The following TRAPPC11 variants were observed in gnomAD, a reference collection of about 807,000 sequenced individuals.
TRAPPC11 encodes the protein foie gras homolog.
In TRAPPC11, 104 loss-of-function variants were observed where a neutral mutation model predicts 151.2. The observed-to-expected ratio is 0.69, with a 90% CI of 0.59 to 0.81. TRAPPC11 has a LOEUF of 0.81. Ranked by LOEUF, TRAPPC11 falls within the 30% of genes least tolerant of loss-of-function variation. The pLI is 0.00. For synonymous variants in TRAPPC11, 456 were observed against 472.3 expected (o/e 0.97, Z 0.45); for missense variants, 1,230 against 1,349.6 (o/e 0.91, Z 1.39).
At chr4:183,691,275 C>A in intron 18 of TRAPPC11, 41 bp from the exon 19 acceptor site, 1 of 1,419,882 alleles carries the variant, frequency 7.0e-7, no homozygotes, top group Non-Finnish European at 9.4e-7. Flanking sequence ...TTAGGGTTAG[C>A]AGACATCTGA....
Position 183,668,861 on chromosome 4 carries a change from A to AT in TRAPPC11, c.560+748dup, listed in dbSNP as rs539931215. 2.8e-4 allele frequency among the ~76,000 whole-genome samples: 43 copies of AT among 152,340 alleles called. 1 individual carries two copies. In the South Asian group the frequency reaches 8.3e-3, roughly 29 times the overall value. On this transcript the variant is annotated intron_variant, in intron 5 of 29. Coordinates refer to ENST00000334690, the MANE Select transcript of TRAPPC11 (RefSeq NM_021942.6). Reference sequence around the variant, plus strand: ...TATTTAGATATGAATATTTTCATTGATTTTGACTGTAAAATGGTTTTCCTT... The same window carrying AT: ...TATTTAGATATGAATATTTTCATTGATTTTTGACTGTAAAATGGTTTTCCTT...
chr4:183,662,517 C>T (rs1189810084), intron 1 of TRAPPC11, among the ~76,000 whole-genome samples: 1 of 152,038 alleles, frequency 6.6e-6, no homozygotes, highest in African/African-American at 2.4e-5. Context: ...AGCTAAAGGA[C>T]GCAGTGGAAA....
intron 17 of TRAPPC11, 80 bp from the exon 18 acceptor site, chr4:183,686,537 AG>A: frequency 6.5e-7 from 1 of 1,528,036 alleles, no homozygotes; most frequent in South Asian, 1.2e-5. Flanking sequence ...GTCTTTCTGA[AG>A]AATCAATTTG....
chr4:183,666,104 A>G (rs1734868476), intron 2 of TRAPPC11, 153 bp from the exon 3 acceptor site: 3 of 604,060 alleles, frequency 5.0e-6, no homozygotes, highest in Admixed American at 3.1e-5. Flanking sequence ...AACACTTACT[A>G]GTTCTTACTG....
intron 17 of TRAPPC11, 62 bp from the exon 18 acceptor site, chr4:183,686,556 G>A: frequency 6.3e-7 from 1 of 1,583,162 alleles, no homozygotes; most frequent in East Asian, 2.2e-5. Context: ...TTGGTTAACA[G>A]GATGTGTGTG....
At chr4:183,671,199 T>C (rs1247719626) in intron 5 of TRAPPC11, among the ~76,000 whole-genome samples, 5 of 152,218 alleles carry the variant, frequency 3.3e-5, no homozygotes, top group Non-Finnish European at 5.9e-5. Flanking sequence ...TTAAAATTAT[T>C]TGAAGCAAAG....
intron 29 of TRAPPC11, among the ~76,000 whole-genome samples, chr4:183,708,887 A>G (rs1270129056): frequency 6.6e-6 from 1 of 152,250 alleles, no homozygotes; most frequent in Non-Finnish European, 1.5e-5. Flanking sequence ...AAAATGAATT[A>G]ACTTTAAATA....
In TRAPPC11 at chr4:183,694,650, T is replaced by G. The variant is rs746316836; in HGVS notation, c.2555T>G (p.Met852Arg). Residue 852 changes from methionine to arginine, a missense_variant, in exon 23 of 30, where the codon ATG (methionine) becomes AGG (arginine). Transcript: ENST00000334690. ...CGCTGTGGAACAGTGGGTTCCAGAA[T>G]GTTTCTTGTATATGTTTCTTACCTG... The part of the protein sequence containing the change: ...YVRCGTVGSR[M>R]FLVYVSYLIN... 6.2e-7 allele frequency: 1 copy of G among 1,612,742 alleles called. No individual in the cohort carries two copies. Among genetic ancestry groups the G allele is most frequent in the South Asian group, 1.1e-5 (1 of 90,594 alleles).
intron 29 of TRAPPC11, among the ~76,000 whole-genome samples, chr4:183,710,754 C>T (rs898088681): frequency 4.0e-5 from 6 of 150,350 alleles, no homozygotes; most frequent in African/African-American, 1.2e-4. Flanking sequence ...TTTGGCCGGG[C>T]GTGGTGGCTC....
chr4:183,677,626 CA>C (rs1735479422), intron 8 of TRAPPC11, 72 bp downstream of exon 8: 2 of 890,124 alleles, frequency 2.2e-6, no homozygotes, highest in Non-Finnish European at 1.8e-6. Context: ...ATTTGAACAT[CA>C]AAATTAATTT....
In TRAPPC11 at chr4:183,713,247, A is replaced by G. The variant is rs1460332828; in HGVS notation, c.*603A>G. 1 of 152,270 alleles carries G rather than the reference A, an allele frequency of 6.6e-6. No individual in the cohort carries two copies. Among genetic ancestry groups the G allele is most frequent in the African/African-American group, 2.4e-5 (1 of 41,458 alleles). 9.4% of individuals were successfully genotyped at this position (152,270 alleles called of 1,614,324 possible). ...GGTTCAGCTTGCTGCCAAAATATGG[A>G]TCATTTATGAAGCAGGTTCATATTT... On this transcript the variant is annotated 3_prime_UTR_variant, in exon 30 of 30. Transcript: ENST00000334690.
At chr4:183,697,859 A>G in intron 25 of TRAPPC11, 24 bp downstream of exon 25, 2 of 1,604,398 alleles carry the variant, frequency 1.2e-6, no homozygotes, top group Non-Finnish European at 1.7e-6. Flanking sequence ...ATTCCCACTT[A>G]AAGACCAGGA....
chr4:183,676,879 C>T (rs1329799593), intron 7 of TRAPPC11, among the ~76,000 whole-genome samples: 5 of 152,204 alleles, frequency 3.3e-5, no homozygotes, highest in African/African-American at 9.7e-5. Flanking sequence ...ATTCTCCTGC[C>T]TCAACTTCCT....
In TRAPPC11 at chr4:183,684,065, T is replaced by G; in HGVS notation, c.1287+11T>G. The G allele has an allele frequency of 6.2e-7, 1 of 1,612,724 alleles. No homozygotes were observed. The highest frequency in any genetic ancestry group is 8.5e-7 in the Non-Finnish European group (1 of 1,178,824). ...AATGTTGTTCACTCTGTAAGTTTTGTGTCCAATATAAACTATTTTTTACAC... is the reference window on the plus strand; with the variant it reads ...AATGTTGTTCACTCTGTAAGTTTTGGGTCCAATATAAACTATTTTTTACAC... On this transcript the variant is annotated intron_variant, in intron 12 of 29. Coordinates refer to ENST00000334690, the MANE Select transcript of TRAPPC11 (RefSeq NM_021942.6).
In TRAPPC11 at chr4:183,680,134, G is replaced by A; in HGVS notation, c.980G>A (p.Gly327Glu). 1 of 1,610,780 alleles carries A rather than the reference G, an allele frequency of 6.2e-7. No individual in the cohort carries two copies. The highest frequency in any genetic ancestry group is 8.5e-7 in the Non-Finnish European group (1 of 1,178,532). ...AWMSKQFQAF[G>E]DLFDEAIKLG... ...TTTTCTTTAAGATTCCAGGCCTTTG[G>A]AGATTTATTTGATGAAGCTATTAAG... The change falls in exon 10 of 30, where the codon GGA (glycine) becomes GAA (glutamate). Residue 327 changes from glycine (G) to glutamate (E), a missense_variant. Gly to Glu is a moderately conservative substitution (Grantham distance 98). Coordinates refer to ENST00000334690, the MANE Select transcript of TRAPPC11 (RefSeq NM_021942.6).
chr4:183,665,151 G>A (rs1369219906), intron 2 of TRAPPC11, among the ~76,000 whole-genome samples: 1 of 130,564 alleles, frequency 7.7e-6, no homozygotes, highest in African/African-American at 3.0e-5. Context: ...CTGGAGTGCT[G>A]TGGCGCGATA....
At chr4:183,662,280 C>T (rs1021729171) in intron 1 of TRAPPC11, among the ~76,000 whole-genome samples, 9 of 142,776 alleles carry the variant, frequency 6.3e-5, no homozygotes, top group Admixed American at 5.9e-4. Context: ...CACTTGAACC[C>T]GGGAGGTGGA....
Position 183,686,436 on chromosome 4 carries a change from C to T in TRAPPC11, c.1763-182C>T, listed in dbSNP as rs1004522695. Among the ~76,000 whole-genome samples, 4 of 152,192 alleles carry T rather than the reference C, an allele frequency of 2.6e-5. No homozygotes were observed. In the South Asian group the frequency reaches 6.2e-4, roughly 24 times the overall value. On this transcript the variant is annotated intron_variant, in intron 17 of 29. Coordinates refer to ENST00000334690, the MANE Select transcript of TRAPPC11 (RefSeq NM_021942.6). ...ACAGGCGTGAGCCACTGTGCTCAGCCTAAATTTTATTTTTATAATAAAAAG... is the reference window on the plus strand; with the variant it reads ...ACAGGCGTGAGCCACTGTGCTCAGCTTAAATTTTATTTTTATAATAAAAAG...
At position 183,697,431 on chromosome 4, in the gene TRAPPC11, G is replaced by A. The variant is rs113355583; in HGVS notation, c.2629-72G>A. The A allele has an allele frequency of 2.9e-3, 3,987 of 1,374,546 alleles. 95 individuals carry two copies. In the African/African-American group the frequency reaches 0.052, roughly 18 times the overall value. The allele number at this position is 1,374,546 out of a possible 1,614,324, so 85.1% of individuals were successfully genotyped here. ...GGGATTATTTATTGATCAGTGATAGGTTGTGTTTTTTAAAACTTTATATAA... is the reference window on the plus strand; with the variant it reads ...GGGATTATTTATTGATCAGTGATAGATTGTGTTTTTTAAAACTTTATATAA... On this transcript the variant is annotated intron_variant, in intron 23 of 29. Transcript: ENST00000334690.
Sources: gnomAD v4.1 joint callset for allele counts (sites outside exome capture counted in the v4.1 genomes callset) on GRCh38, gnomAD v4.1.1 for gene constraint, MANE v1.5 for transcripts, NCBI Gene and HGNC (gene_info 2026-07-23, HGNC 2026-07-21) for gene names.